The following MTF2 variants were observed in gnomAD, a reference collection of about 807,000 sequenced individuals.
MTF2 encodes the protein metal response element binding transcription factor 2.
Under a neutral mutation model 79.5 loss-of-function variants are expected in MTF2, and 11 were observed. The observed-to-expected ratio is 0.14, with a 90% CI of 0.09 to 0.23. The LOEUF (loss-of-function observed/expected upper bound fraction) is 0.23. MTF2 is among the 10% of genes least tolerant of loss of function. The probability of loss-of-function intolerance (pLI) is 1.00; values close to 1 mark genes in which losing one functional copy is unlikely to be tolerated. For missense variants in MTF2, 486 were observed against 711.2 expected (o/e 0.68, Z 3.60); for synonymous variants, 208 against 232.8 (o/e 0.89, Z 0.97).
At chr1:93,101,419 T>G (rs2749730) in intron 1 of MTF2, among the ~76,000 whole-genome samples, 140,562 of 140,748 alleles carry the variant, frequency 1, 70,188 homozygotes, top group East Asian at 1. Context: ...TCACTCTGTT[T>G]CCCAGGCTGG....
intron 1 of MTF2, 106 bp downstream of exon 1, chr1:93,079,637 G>C (rs757967421): frequency 6.4e-6 from 9 of 1,404,844 alleles, no homozygotes; most frequent in Non-Finnish European, 5.0e-6. Context: ...GGACCAAGGT[G>C]GGGGTGGGGG....
intron 7 of MTF2, among the ~76,000 whole-genome samples, chr1:93,119,081 G>C (rs939199725): frequency 1.3e-5 from 2 of 152,216 alleles, no homozygotes; most frequent in African/African-American, 4.8e-5. Flanking sequence ...GTGAGTCTGT[G>C]TGTGAACTTT....
chr1:93,085,998 T>C (rs1056424265), intron 1 of MTF2, among the ~76,000 whole-genome samples: 1 of 152,172 alleles, frequency 6.6e-6, no homozygotes, highest in Non-Finnish European at 1.5e-5. Flanking sequence ...TTTATGCTAC[T>C]GGCAGTGCAG....
At chr1:93,096,664 A>C (rs1053927919) in intron 1 of MTF2, among the ~76,000 whole-genome samples, 2 of 151,494 alleles carry the variant, frequency 1.3e-5, no homozygotes, top group African/African-American at 2.4e-5. Context: ...TTCGAGACGT[A>C]TCTCTCCAAC....
intron 1 of MTF2, among the ~76,000 whole-genome samples, chr1:93,097,673 C>A (rs1655352519): frequency 1.3e-5 from 2 of 152,158 alleles, no homozygotes; most frequent in Admixed American, 1.3e-4. Context: ...TCTCAGCTCA[C>A]TGCAACCTCC....
chr1:93,111,587 G>GTT (rs1371587734), intron 3 of MTF2, among the ~76,000 whole-genome samples: 2 of 152,144 alleles, frequency 1.3e-5, no homozygotes, highest in African/African-American at 2.4e-5. Flanking sequence ...CATCTGTATA[G>GTT]TTGGTACTCA....
At chr1:93,108,504 C>CA (rs1655898364) in intron 1 of MTF2, among the ~76,000 whole-genome samples, 2 of 152,268 alleles carry the variant, frequency 1.3e-5, no homozygotes, top group East Asian at 3.9e-4. Flanking sequence ...TATGTCATCT[C>CA]ACTGCCTTCT....
intron 1 of MTF2, among the ~76,000 whole-genome samples, chr1:93,095,911 C>T (rs1196110389): frequency 6.6e-6 from 1 of 151,722 alleles, no homozygotes; most frequent in Non-Finnish European, 1.5e-5. Flanking sequence ...ACCTTGACCT[C>T]CCAAAGTGCT....
intron 9 of MTF2, among the ~76,000 whole-genome samples, chr1:93,123,398 A>G (rs1230717958): frequency 6.6e-6 from 1 of 151,876 alleles, no homozygotes; most frequent in Non-Finnish European, 1.5e-5. Context: ...AATATAGACT[A>G]AAGCGCCTGC....
At chr1:93,100,687 C>T (rs974061025) in intron 1 of MTF2, among the ~76,000 whole-genome samples, 5 of 152,176 alleles carry the variant, frequency 3.3e-5, no homozygotes, top group Non-Finnish European at 7.4e-5. Context: ...TAGGTTCAAC[C>T]CTGGTTCTCT....
intron 1 of MTF2, among the ~76,000 whole-genome samples, chr1:93,106,981 C>T (rs1468894252): frequency 3.3e-5 from 5 of 152,204 alleles, no homozygotes; most frequent in African/African-American, 1.2e-4. Flanking sequence ...CTTCTGTTCT[C>T]TTGCACTGAT....
chr1:93,127,286 G>A lies in MTF2; in HGVS notation c.976G>A (p.Asp326Asn), dbSNP rs1656737594. 11 of 1,608,212 alleles carry A rather than the reference G, an allele frequency of 6.8e-6. No homozygotes were observed. In the East Asian group the frequency reaches 2.5e-4, roughly 36 times the overall value. The change falls in exon 10 of 15, where the codon GAT becomes AAT. Residue 326 changes from aspartate (D) to asparagine (N), a missense_variant. Physicochemically the swap from Asp to Asn is conservative, Grantham distance 23. Transcript: ENST00000370298. ...RYEHVLEALN[D>N]YKTMFMSGKE... ...TGAGCATGTTCTGGAGGCATTAAATGATTACAAGACCATGTAAGTTGATTT... is the reference window on the plus strand; with the variant it reads ...TGAGCATGTTCTGGAGGCATTAAATAATTACAAGACCATGTAAGTTGATTT...
chr1:93,107,426 A>G (rs962286818), intron 1 of MTF2, among the ~76,000 whole-genome samples: 2 of 152,052 alleles, frequency 1.3e-5, no homozygotes, highest in South Asian at 2.1e-4. Context: ...GGGTTTTGCT[A>G]TGTTGGCCAG....
intron 1 of MTF2, among the ~76,000 whole-genome samples, chr1:93,096,386 A>G (rs991884240): frequency 1.3e-5 from 2 of 152,182 alleles, no homozygotes; most frequent in South Asian, 4.1e-4. Flanking sequence ...CTTCACTTCC[A>G]AACCAGATTT....
intron 14 of MTF2, among the ~76,000 whole-genome samples, chr1:93,136,078 C>G (rs1027429483): frequency 6.6e-6 from 1 of 152,098 alleles, no homozygotes; most frequent in Non-Finnish European, 1.5e-5. Context: ...CAGTCTAACC[C>G]CTTCACTCAT....
intron 8 of MTF2, 131 bp from the exon 9 acceptor site, chr1:93,120,418 T>A: frequency 1.4e-6 from 1 of 724,198 alleles, no homozygotes; most frequent in Non-Finnish European, 2.1e-6. Flanking sequence ...AGTGATTTAT[T>A]GTATTGTGAA....
chr1:93,084,313 T>G (rs1654744022), intron 1 of MTF2, among the ~76,000 whole-genome samples: 1 of 152,246 alleles, frequency 6.6e-6, no homozygotes, highest in Non-Finnish European at 1.5e-5. Flanking sequence ...TGTAAAAGTT[T>G]GTTCTTGGAT....
chr1:93,094,958 T>A (rs1212802261), intron 1 of MTF2, among the ~76,000 whole-genome samples: 1 of 152,196 alleles, frequency 6.6e-6, no homozygotes, highest in East Asian at 1.9e-4. Flanking sequence ...CTTGAAAGAA[T>A]AAACGTTCCA....
intron 9 of MTF2, among the ~76,000 whole-genome samples, chr1:93,123,845 G>T: frequency 7.2e-6 from 1 of 139,208 alleles, no homozygotes; most frequent in African/African-American, 2.6e-5. Context: ...AGCAGATTTA[G>T]GTTGTCCCCT....
Sources: gnomAD v4.1 joint callset for allele counts (sites outside exome capture counted in the v4.1 genomes callset) on GRCh38, gnomAD v4.1.1 for gene constraint, MANE v1.5 for transcripts, NCBI Gene and HGNC (gene_info 2026-07-23, HGNC 2026-07-21) for gene names.